Variants in SPTLC3 observed in about 807,000 individuals in gnomAD.
The protein encoded by SPTLC3 is serine palmitoyltransferase 3.
A neutral mutation model predicts 59.3 loss-of-function variants in SPTLC3; 36 were observed. That is an observed-to-expected ratio of 0.61 (90% CI 0.47 to 0.80). The LOEUF is 0.80. Ranked by LOEUF, SPTLC3 falls within the 30% of genes least tolerant of loss-of-function variation. SPTLC3 has a pLI of 0.00. For missense variants in SPTLC3, 625 were observed against 685.1 expected (o/e 0.91, Z 0.98); for synonymous variants, 257 against 240.8 (o/e 1.07, Z -0.62).
chr20:13,128,353 T>A (rs564820512), intron 9 of SPTLC3, among the ~76,000 whole-genome samples: 45 of 152,272 alleles, frequency 3.0e-4, no homozygotes, highest in African/African-American at 1.0e-3. Context: ...ACCCTGTAGA[T>A]CTCAGTGGCT....
At chr20:13,076,387 T>C (rs1205221793) in intron 4 of SPTLC3, among the ~76,000 whole-genome samples, 2 of 152,136 alleles carry the variant, frequency 1.3e-5, no homozygotes, top group African/African-American at 2.4e-5. Flanking sequence ...GGGTTAACAA[T>C]GAAAATTGGA....
intron 2 of SPTLC3, among the ~76,000 whole-genome samples, chr20:13,063,997 T>C (rs1238090922): frequency 6.6e-6 from 1 of 151,858 alleles, no homozygotes; most frequent in Non-Finnish European, 1.5e-5. Context: ...CCAGTATCAT[T>C]AATTAAATAG....
At chr20:13,039,579 C>T (rs1211640404) in intron 1 of SPTLC3, among the ~76,000 whole-genome samples, 5 of 152,026 alleles carry the variant, frequency 3.3e-5, no homozygotes, top group Non-Finnish European at 7.4e-5. Context: ...ACAATCTGTA[C>T]TTGATTGGGT....
chr20:13,141,423 C>T (rs969391717), intron 9 of SPTLC3, among the ~76,000 whole-genome samples: 1 of 152,242 alleles, frequency 6.6e-6, no homozygotes, highest in Non-Finnish European at 1.5e-5. Context: ...AAAAAATCTT[C>T]TCACATTTCT....
At chr20:13,134,727 A>T (rs1317094520) in intron 9 of SPTLC3, among the ~76,000 whole-genome samples, 1 of 152,190 alleles carries the variant, frequency 6.6e-6, no homozygotes, top group Admixed American at 6.5e-5. Context: ...CAGAGGATGG[A>T]ATTCTGGCAG....
intron 9 of SPTLC3, among the ~76,000 whole-genome samples, chr20:13,140,803 GA>G (rs2038363746): frequency 6.6e-6 from 1 of 152,182 alleles, no homozygotes; most frequent in South Asian, 2.1e-4. Context: ...AAAAAAGAGT[GA>G]CACTTATAAT....
chr20:13,067,009 T>C (rs1473750957), intron 2 of SPTLC3, among the ~76,000 whole-genome samples: 1 of 117,850 alleles, frequency 8.5e-6, no homozygotes, highest in African/African-American at 3.4e-5. Context: ...ATGGGTGCAT[T>C]GTTCTGTTAT....
intron 4 of SPTLC3, among the ~76,000 whole-genome samples, chr20:13,082,672 T>C (rs1988880473): frequency 1.3e-5 from 2 of 152,206 alleles, no homozygotes. Context: ...AAAAGTTTGC[T>C]GATCTAGACA....
intron 2 of SPTLC3, among the ~76,000 whole-genome samples, chr20:13,064,843 CG>C (rs1302077260): frequency 1.3e-5 from 2 of 152,038 alleles, no homozygotes; most frequent in Non-Finnish European, 2.9e-5. Flanking sequence ...CATTTCTTTA[CG>C]TATTTCTTAT....
chr20:13,126,456 T>C (rs575579526), intron 8 of SPTLC3, 135 bp from the exon 9 acceptor site: 3 of 1,007,656 alleles, frequency 3.0e-6, no homozygotes, highest in African/African-American at 3.3e-5. Flanking sequence ...CCATTGAAAG[T>C]TGGACCCCAT....
rs1412822282 is a variant in SPTLC3, at chr20:13,017,035, T to C, written c.117+7651T>C. On this transcript the variant is annotated intron_variant, in intron 1 of 11. Coordinates refer to ENST00000399002, the MANE Select transcript of SPTLC3 (RefSeq NM_018327.4). Reference sequence around the variant, plus strand: ...TTCAATCCTAGAACCTAAGTTCTTATCCTTTAGTCCACGCTTCCCCTGTAA... The same window carrying C: ...TTCAATCCTAGAACCTAAGTTCTTACCCTTTAGTCCACGCTTCCCCTGTAA... Among the ~76,000 whole-genome samples the C allele has an allele frequency of 5.9e-5, 9 of 152,290 alleles. No individual in the cohort carries two copies. The East Asian group carries it at 1.5e-3, about 26-fold the overall frequency.
chr20:13,098,671 G>A (rs530401866), intron 6 of SPTLC3, among the ~76,000 whole-genome samples: 1 of 152,146 alleles, frequency 6.6e-6, no homozygotes, highest in Non-Finnish European at 1.5e-5. Context: ...GTTAGCTGTT[G>A]TTATTTAGAC....
chr20:13,036,685 A>G (rs886418568), intron 1 of SPTLC3, among the ~76,000 whole-genome samples: 3 of 152,210 alleles, frequency 2.0e-5, no homozygotes, highest in Non-Finnish European at 2.9e-5. Flanking sequence ...TCAAGGGTCA[A>G]TGGTACTACC....
chr20:13,011,495 G>T (rs922393210), intron 1 of SPTLC3, among the ~76,000 whole-genome samples: 2 of 152,092 alleles, frequency 1.3e-5, no homozygotes, highest in Non-Finnish European at 2.9e-5. Flanking sequence ...TACATTAGGG[G>T]ACCCTACAAG....
chr20:13,156,660 A>G (rs1246541808), intron 10 of SPTLC3, among the ~76,000 whole-genome samples: 1 of 152,224 alleles, frequency 6.6e-6, no homozygotes, highest in Non-Finnish European at 1.5e-5. Flanking sequence ...GTTAGCTTTC[A>G]TTATTAATAG....
chr20:13,062,064 G>T (rs1268950748), intron 2 of SPTLC3, among the ~76,000 whole-genome samples: 1 of 152,054 alleles, frequency 6.6e-6, no homozygotes, highest in African/African-American at 2.4e-5. Flanking sequence ...ACCCACACGT[G>T]CCTGCCTCAG....
chr20:13,162,843 G>A (rs531966724), intron 11 of SPTLC3, among the ~76,000 whole-genome samples: 246 of 152,226 alleles, frequency 1.6e-3, no homozygotes, highest in Non-Finnish European at 2.1e-3. Flanking sequence ...CAAATGCAGT[G>A]AGAAGCCACT....
chr20:13,100,959 A>G (rs1397201672), intron 6 of SPTLC3, among the ~76,000 whole-genome samples: 1 of 75,636 alleles, frequency 1.3e-5, no homozygotes, highest in African/African-American at 3.4e-5. Flanking sequence ...AAGTGATGCC[A>G]GGAAGCACCA....
intron 1 of SPTLC3, among the ~76,000 whole-genome samples, chr20:13,042,336 G>A (rs1288711585): frequency 2.0e-5 from 3 of 151,956 alleles, no homozygotes; most frequent in Admixed American, 2.0e-4. Flanking sequence ...TCTCCCACTG[G>A]GCAAAGCCAA....
Sources: gnomAD v4.1 joint callset for allele counts (sites outside exome capture counted in the v4.1 genomes callset) on GRCh38, gnomAD v4.1.1 for gene constraint, MANE v1.5 for transcripts, NCBI Gene and HGNC (gene_info 2026-07-23, HGNC 2026-07-21) for gene names.